HMGN5: variants seen among roughly 807,000 people sequenced by gnomAD.
The protein encoded by HMGN5 is high mobility group nucleosome-binding domain-containing protein 5.
Under a neutral mutation model 9.5 loss-of-function variants are expected in HMGN5, and 4 were observed. That is an observed-to-expected ratio of 0.42 (90% CI 0.21 to 0.96). The LOEUF is 0.96. Among genes scored for constraint, HMGN5 ranks in the 40% least tolerant of loss-of-function variants. The pLI is 0.30. For missense variants in HMGN5, 192 were observed against 187.5 expected, an observed-to-expected ratio of 1.02 and a Z score of -0.14; for synonymous variants, 55 against 57.1, an observed-to-expected ratio of 0.96 and a Z score of 0.16.
chrX:81,173,386 C>A (rs191464327), intron 1 of HMGN5, among the ~76,000 whole-genome samples: 1 of 110,785 alleles, frequency 9.0e-6, no homozygotes, highest in South Asian at 3.7e-4. Context: ...GAAGTAGCCA[C>A]AATATTGAAT....
chrX:81,148,459 ACGC>A (rs1467719965), intron 1 of HMGN5, among the ~76,000 whole-genome samples: 1 of 111,948 alleles, frequency 8.9e-6, no homozygotes, highest in Non-Finnish European at 1.9e-5. Context: ...TCCCTTCCTT[ACGC>A]CTTATACAGA....
Position 81,155,120 on chromosome X carries a change from T to C in HMGN5, c.-123-33448A>G, listed in dbSNP as rs904861584. On this transcript the variant is annotated intron_variant, in intron 1 of 6. Transcript: ENST00000358130. ...ATATATATACACACACACATACACA[T>C]ATATATATATATATATACTCTTAAA... 8.8e-4 allele frequency among the ~76,000 whole-genome samples: 84 copies of C among 95,437 alleles called. 1 individual carries two copies. The highest frequency in any genetic ancestry group is 2.7e-3 in the African/African-American group (69 of 25,532). The allele number at this position is 95,437 out of a possible 115,157, so 82.9% of individuals were successfully genotyped here.
intron 1 of HMGN5, among the ~76,000 whole-genome samples, chrX:81,126,134 C>A (rs892157664): frequency 4.5e-5 from 3 of 67,065 alleles, no homozygotes; most frequent in Non-Finnish European, 7.6e-5. Context: ...GGTGACAGAG[C>A]AAGACGCAGT....
intron 1 of HMGN5, among the ~76,000 whole-genome samples, chrX:81,176,204 G>A (rs997505863): frequency 2.7e-5 from 3 of 111,716 alleles, no homozygotes; most frequent in African/African-American, 9.8e-5. Flanking sequence ...ACTGTTAGAA[G>A]GAAAGCTAAC....
intron 1 of HMGN5, among the ~76,000 whole-genome samples, chrX:81,149,973 C>T (rs780892853): frequency 9.0e-6 from 1 of 111,726 alleles, no homozygotes; most frequent in African/African-American, 3.3e-5. Flanking sequence ...GACCTCAACA[C>T]CCCACTCTCA....
chrX:81,132,887 TAAAC>T (rs957621483), intron 1 of HMGN5, among the ~76,000 whole-genome samples: 16 of 109,399 alleles, frequency 1.5e-4, no homozygotes, highest in African/African-American at 5.3e-4. Context: ...ACAAAACAAA[TAAAC>T]AAACAAACAC....
At chrX:81,189,581 T>TAA (rs1313810003) in intron 1 of HMGN5, among the ~76,000 whole-genome samples, 1 of 112,391 alleles carries the variant, frequency 8.9e-6, no homozygotes, top group Non-Finnish European at 1.9e-5. Flanking sequence ...TTTCAGTATC[T>TAA]AATAATATTT....
chrX:81,139,871 G>A (rs757791250), intron 1 of HMGN5, among the ~76,000 whole-genome samples: 5 of 112,115 alleles, frequency 4.5e-5, no homozygotes, highest in Non-Finnish European at 9.4e-5. Context: ...ATCACGGAGG[G>A]CTCCAGCAAC....
chrX:81,149,527 G>C (rs758124842), intron 1 of HMGN5, among the ~76,000 whole-genome samples: 5 of 111,480 alleles, frequency 4.5e-5, no homozygotes, highest in Non-Finnish European at 9.4e-5. Context: ...TGTAGATGAT[G>C]GTTTGACGGG....
At chrX:81,126,003 C>T (rs1051100965) in intron 1 of HMGN5, among the ~76,000 whole-genome samples, 22 of 109,443 alleles carry the variant, frequency 2.0e-4, no homozygotes, top group South Asian at 8.0e-4. Flanking sequence ...CAAAAATTAG[C>T]GGGGTGTGGT....
At chrX:81,132,351 A>G (rs1461562378) in intron 1 of HMGN5, among the ~76,000 whole-genome samples, 1 of 111,842 alleles carries the variant, frequency 8.9e-6, no homozygotes, top group Non-Finnish European at 1.9e-5. Flanking sequence ...TCACAGAACT[A>G]GAACAAAACT....
chrX:81,169,190 G>A (rs1322178952), intron 1 of HMGN5, among the ~76,000 whole-genome samples: 1 of 111,257 alleles, frequency 9.0e-6, no homozygotes, highest in Non-Finnish European at 1.9e-5. Context: ...CTGGATAATA[G>A]CCCAGTTTTG....
chrX:81,198,379 C>T (rs368380257), intron 1 of HMGN5, among the ~76,000 whole-genome samples: 10 of 110,738 alleles, frequency 9.0e-5, no homozygotes, highest in East Asian at 5.7e-4. Flanking sequence ...CCTCTGGAGG[C>T]TAGCAGCATC....
chrX:81,119,720 A>G lies in HMGN5; in HGVS notation c.45+68T>C, dbSNP rs1017929966. On this transcript the variant is annotated intron_variant, in intron 3 of 6. Transcript: ENST00000358130. ...ATATACCAACCAGCATCTATTTTTT[A>G]GCTGCTTATGTCAAGTTTATAAAAC... The G allele has an allele frequency of 1.7e-5, 16 of 926,574 alleles. No homozygotes were observed. The Admixed American group carries it at 3.6e-4, about 21-fold the overall frequency. The allele number at this position is 926,574 out of a possible 1,213,427, so 76.4% of individuals were successfully genotyped here. A position where few individuals can be genotyped will look rare whatever the true frequency, so the allele number is the denominator to read the frequency against.
chrX:81,163,934 C>T (rs1368313509), intron 1 of HMGN5, among the ~76,000 whole-genome samples: 1 of 111,210 alleles, frequency 9.0e-6, no homozygotes, highest in Non-Finnish European at 1.9e-5. Context: ...AGGGGCATGG[C>T]AAAGAACTAA....
At position 81,186,269 on chromosome X, in the gene HMGN5, AT is replaced by A. The variant is rs1403959277; in HGVS notation, c.-124+15467del. On this transcript the variant is annotated intron_variant, in intron 1 of 6. Transcript: ENST00000358130. Reference sequence around the variant, plus strand: ...GCTTTTCTTTACTAAAAATCTTTCTATTACGGCTTCAATCTCATTAGTTGTT... The same window carrying A: ...GCTTTTCTTTACTAAAAATCTTTCTATACGGCTTCAATCTCATTAGTTGTT... Among the ~76,000 whole-genome samples, 10 of 111,564 alleles carry A rather than the reference AT, an allele frequency of 9.0e-5. No individual in the cohort carries two copies. In the Admixed American group the frequency reaches 9.5e-4, roughly 11 times the overall value.
At chrX:81,187,929 C>T (rs775736197) in intron 1 of HMGN5, among the ~76,000 whole-genome samples, 1 of 110,973 alleles carries the variant, frequency 9.0e-6, no homozygotes, top group Non-Finnish European at 1.9e-5. Context: ...TCTTATAACC[C>T]ATTATTTTTA....
At chrX:81,182,852 G>C (rs1014442144) in intron 1 of HMGN5, among the ~76,000 whole-genome samples, 2 of 112,045 alleles carry the variant, frequency 1.8e-5, no homozygotes, top group African/African-American at 6.5e-5. Flanking sequence ...TGAAATTGTA[G>C]AAGTGGAACT....
At position 81,114,823 on chromosome X, in the gene HMGN5, A is replaced by G. The variant is rs745933666; in HGVS notation, c.675T>C (p.Asp225=). 29 of 1,142,693 alleles carry G rather than the reference A, an allele frequency of 2.5e-5. No homozygotes were observed. Among genetic ancestry groups the G allele is most frequent in the Non-Finnish European group, 3.0e-5 (26 of 863,181 alleles). 94.2% of individuals were successfully genotyped at this position (1,142,693 alleles called of 1,213,427 possible). Residue 225 remains aspartate (D), a synonymous_variant, in exon 7 of 7, where the codon GAT becomes GAC. Coordinates refer to ENST00000358130, the MANE Select transcript of HMGN5 (RefSeq NM_030763.3). ...CTTTTTCATCTTCTTTGACTTTTAC[A>G]TCTTTCCCCTCTTTTTTATCTCCCT... ...KEKGDKKEGK[D]VKVKEDEKER...
Sources: allele counts gnomAD v4.1 joint callset (sites outside exome capture counted in the v4.1 genomes callset), GRCh38; gene constraint gnomAD v4.1.1; transcripts MANE v1.5; gene names NCBI Gene and HGNC (gene_info 2026-07-23, HGNC 2026-07-21).